Variants in ZMAT4 observed in about 807,000 individuals in gnomAD.
ZMAT4 encodes the protein zinc finger matrin-type 4.
A neutral mutation model predicts 28.7 loss-of-function variants in ZMAT4; 17 were observed. The observed-to-expected ratio is 0.59, with a 90% confidence interval of 0.41 to 0.89. The LOEUF (loss-of-function observed/expected upper bound fraction) is 0.89, where lower values mean the gene tolerates loss of function less well. Among genes scored for constraint, ZMAT4 ranks in the 40% least tolerant of loss-of-function variants. The pLI, the probability that ZMAT4 is intolerant of heterozygous loss-of-function variation, is 0.00. For missense variants in ZMAT4, 240 were observed against 283.8 expected, an observed-to-expected ratio of 0.85 and a Z score of 1.11; for synonymous variants, 117 against 109.2, an observed-to-expected ratio of 1.07 and a Z score of -0.44.
At chr8:40,549,536 C>T (rs1179254312) in intron 6 of ZMAT4, among the ~76,000 whole-genome samples, 1 of 152,130 alleles carries the variant, frequency 6.6e-6, no homozygotes, top group Non-Finnish European at 1.5e-5. Flanking sequence ...GAGAATGGCT[C>T]CTATCTAGTG....
chr8:40,570,990 G>A (rs1057255331), intron 6 of ZMAT4, among the ~76,000 whole-genome samples: 1 of 152,124 alleles, frequency 6.6e-6, no homozygotes, highest in Non-Finnish European at 1.5e-5. Context: ...AACATGAGAG[G>A]TATTCTGTGG....
At chr8:40,844,334 G>A (rs1171126827) in intron 1 of ZMAT4, among the ~76,000 whole-genome samples, 1 of 152,156 alleles carries the variant, frequency 6.6e-6, no homozygotes, top group African/African-American at 2.4e-5. Flanking sequence ...CTCCACCAAT[G>A]AGGATGGGCA....
At chr8:40,816,613 A>C (rs1184827934) in intron 2 of ZMAT4, among the ~76,000 whole-genome samples, 1 of 152,220 alleles carries the variant, frequency 6.6e-6, no homozygotes, top group Non-Finnish European at 1.5e-5. Context: ...ATACTCTGGA[A>C]GGCACACTAC....
chr8:40,608,486 CATGCTACA>C (rs1313770026), intron 5 of ZMAT4, among the ~76,000 whole-genome samples: 2 of 152,144 alleles, frequency 1.3e-5, no homozygotes, highest in Non-Finnish European at 2.9e-5. Context: ...GAATAAGTCC[CATGCTACA>C]AGCCTCCCTG....
At chr8:40,655,789 A>G (rs1807892661) in intron 5 of ZMAT4, among the ~76,000 whole-genome samples, 2 of 152,234 alleles carry the variant, frequency 1.3e-5, no homozygotes, top group Admixed American at 6.5e-5. Flanking sequence ...CAAATCACAT[A>G]CAAAAATTAA....
intron 3 of ZMAT4, among the ~76,000 whole-genome samples, chr8:40,736,520 C>T (rs76213777): frequency 0.013 from 1,926 of 152,276 alleles, 43 homozygotes; most frequent in African/African-American, 0.044. Context: ...CATATAAGCA[C>T]TTGGAGGTAC....
chr8:40,875,229 G>A (rs1395785544), intron 1 of ZMAT4, among the ~76,000 whole-genome samples: 2 of 152,106 alleles, frequency 1.3e-5, no homozygotes, highest in African/African-American at 2.4e-5. Flanking sequence ...CCCTGCCCAC[G>A]TGTCCCCTCC....
intron 3 of ZMAT4, among the ~76,000 whole-genome samples, chr8:40,746,260 C>CTTT: frequency 1.6e-5 from 1 of 61,932 alleles, no homozygotes; most frequent in Non-Finnish European, 3.2e-5. Context: ...TCCCTCCCTC[C>CTTT]CTCCCTTCCT....
chr8:40,847,208 A>C (rs77391224), intron 1 of ZMAT4, among the ~76,000 whole-genome samples: 4,702 of 96,004 alleles, frequency 0.049, 130 homozygotes, highest in South Asian at 0.11. Flanking sequence ...CATCTAAAAA[A>C]ACAAACAAAC....
At chr8:40,810,579 CAG>C (rs1157277381) in intron 2 of ZMAT4, among the ~76,000 whole-genome samples, 3 of 152,016 alleles carry the variant, frequency 2.0e-5, no homozygotes, top group Non-Finnish European at 2.9e-5. Context: ...AAGCTCCAAA[CAG>C]AGTTAAAAAT....
At chr8:40,890,524 T>C (rs529490110) in intron 1 of ZMAT4, among the ~76,000 whole-genome samples, 96 of 152,248 alleles carry the variant, frequency 6.3e-4, no homozygotes, top group African/African-American at 2.2e-3. Flanking sequence ...CTGCGGGCCC[T>C]CGCCATTTCT....
At chr8:40,658,983 G>A (rs908924996) in intron 5 of ZMAT4, among the ~76,000 whole-genome samples, 2 of 152,100 alleles carry the variant, frequency 1.3e-5, no homozygotes, top group Admixed American at 6.6e-5. Flanking sequence ...ATCAGTAGAA[G>A]GGTTGGTCTG....
chr8:40,638,444 A>G (rs530454927), intron 5 of ZMAT4, among the ~76,000 whole-genome samples: 30 of 152,328 alleles, frequency 2.0e-4, no homozygotes, highest in South Asian at 1.9e-3. Flanking sequence ...TCCACAGTTC[A>G]AGTAAGGGTT....
At chr8:40,678,527 T>G (rs1051738453) in intron 4 of ZMAT4, among the ~76,000 whole-genome samples, 2 of 152,214 alleles carry the variant, frequency 1.3e-5, no homozygotes, top group Admixed American at 1.3e-4. Context: ...GAATCCCATA[T>G]GCTTTGTGGG....
chr8:40,638,102 C>G (rs1806864587), intron 5 of ZMAT4, among the ~76,000 whole-genome samples: 1 of 152,090 alleles, frequency 6.6e-6, no homozygotes. Context: ...AAAGGGTACA[C>G]CATTTCAGTT....
At chr8:40,689,026 C>G (rs1809544279) in intron 4 of ZMAT4, among the ~76,000 whole-genome samples, 1 of 152,232 alleles carries the variant, frequency 6.6e-6, no homozygotes, top group South Asian at 2.1e-4. Context: ...GGAGTTGTAA[C>G]TGTTGATAGA....
chr8:40,888,204 A>G (rs1417889153), intron 1 of ZMAT4, among the ~76,000 whole-genome samples: 1 of 152,194 alleles, frequency 6.6e-6, no homozygotes, highest in Non-Finnish European at 1.5e-5. Context: ...CAGAAACATC[A>G]GGTAGGCCAG....
intron 3 of ZMAT4, among the ~76,000 whole-genome samples, chr8:40,735,070 A>C (rs1003798363): frequency 6.6e-6 from 1 of 152,336 alleles, no homozygotes; most frequent in East Asian, 1.9e-4. Flanking sequence ...AGCATGTGAC[A>C]GTTTGAATTG....
chr8:40,639,988 T>C (rs1376690330), intron 5 of ZMAT4, among the ~76,000 whole-genome samples: 12 of 152,162 alleles, frequency 7.9e-5, no homozygotes, highest in Admixed American at 7.2e-4. Flanking sequence ...TTTATGTATG[T>C]ATGTATTTTT....
Sources: gnomAD v4.1 joint callset for allele counts (sites outside exome capture counted in the v4.1 genomes callset) on GRCh38, gnomAD v4.1.1 for gene constraint, MANE v1.5 for transcripts, NCBI Gene and HGNC (gene_info 2026-07-23, HGNC 2026-07-21) for gene names.